The following NOS2 variants were observed in gnomAD, a reference collection of about 807,000 sequenced individuals.
NOS2 encodes nitric oxide synthase, inducible.
NOS2 carries 96 observed loss-of-function variants against 136.0 expected under a neutral mutation model. The observed-to-expected ratio is 0.71, with a 90% CI of 0.60 to 0.84. The LOEUF is 0.84. NOS2 is among the 40% of genes least tolerant of loss of function. NOS2 has a pLI of 0.00. For synonymous variants in NOS2, 539 were observed against 587.5 expected (o/e 0.92, Z 1.20); for missense variants, 1,237 against 1,496.9 (o/e 0.83, Z 2.87).
chr17:27,794,714 G>GCACACACACA (rs56767383), intron 2 of NOS2, among the ~76,000 whole-genome samples: 1,666 of 145,586 alleles, frequency 0.011, 30 homozygotes, highest in African/African-American at 0.039. Flanking sequence ...ACACACACGC[G>GCACACACACA]CACACACACA....
At chr17:27,787,305 A>T (rs1202925306) in intron 5 of NOS2, among the ~76,000 whole-genome samples, 2 of 152,228 alleles carry the variant, frequency 1.3e-5, no homozygotes, top group Admixed American at 1.3e-4. Flanking sequence ...TTCTGAACTT[A>T]CTGAATCCTC....
At position 27,791,918 on chromosome 17, in the gene NOS2, C is replaced by A. The variant is rs369633730; in HGVS notation, c.111-2230G>T. On this transcript the variant is annotated intron_variant, in intron 2 of 26. Transcript: ENST00000313735. ...TATGGGGGATGGGGTCCCCAGGGGA[C>A]AACTGCCCCTCTTGCTCTTTTGCCA... Among the ~76,000 whole-genome samples the A allele has an allele frequency of 9.7e-4, 147 of 152,250 alleles. 1 individual carries two copies. The highest frequency in any genetic ancestry group is 3.4e-3 in the African/African-American group (141 of 41,530).
chr17:27,798,128 G>A (rs978969347), intron 2 of NOS2, among the ~76,000 whole-genome samples: 2 of 152,002 alleles, frequency 1.3e-5, no homozygotes, highest in Non-Finnish European at 1.5e-5. Context: ...TTCATCCTCA[G>A]CACACTATGG....
rs1907945340 is a variant in NOS2 at position 27,756,986 on chromosome 17, G to A, written c.*260C>T. ...AGCAAGTTCCATCTTTCACCCACTTGCCAGGCCTGGCATTTAAGATTTTGT... is the reference window on the plus strand; with the variant it reads ...AGCAAGTTCCATCTTTCACCCACTTACCAGGCCTGGCATTTAAGATTTTGT... On this transcript the variant is annotated 3_prime_UTR_variant, in exon 27 of 27. Transcript: ENST00000313735. 4.8e-6 allele frequency: 2 copies of A among 420,472 alleles called. No homozygotes were observed. Among genetic ancestry groups the A allele is most frequent in the South Asian group, 1.1e-4 (2 of 17,430 alleles). 26.0% of individuals were successfully genotyped at this position (420,472 alleles called of 1,614,324 possible). A position where few individuals can be genotyped will look rare whatever the true frequency, so the allele number is the denominator to read the frequency against.
intron 2 of NOS2, chr17:27,793,746 C>G (rs1054361218): frequency 7.7e-6 from 3 of 389,512 alleles, no homozygotes; most frequent in Non-Finnish European, 1.4e-5. Flanking sequence ...TCCCAGCGCC[C>G]GCGCTTTATC....
chr17:27,757,116 G>T lies in NOS2; in HGVS notation c.*130C>A. 1 of 674,594 alleles carries T rather than the reference G, an allele frequency of 1.5e-6. No homozygotes were observed. The highest frequency in any genetic ancestry group is 2.4e-6 in the Non-Finnish European group (1 of 408,670). The allele number at this position is 674,594 out of a possible 1,614,324, so 41.8% of individuals were successfully genotyped here. On this transcript the variant is annotated 3_prime_UTR_variant, in exon 27 of 27. Transcript: ENST00000313735. ...AAAGGGCTTGATGGGGAGCAACGTT[G>T]AGGAAATAAGACTTGAGGCTGGGGG...
intron 16 of NOS2, 43 bp downstream of exon 16, chr17:27,769,492 C>A: frequency 6.4e-7 from 1 of 1,570,352 alleles, no homozygotes; most frequent in South Asian, 1.1e-5. Context: ...GACTTTGGGT[C>A]CACAGGGCAG....
rs182979119 is a variant in NOS2 at position 27,765,497 on chromosome 17, G to A, written c.2428+38C>T. The A allele has an allele frequency of 1.2e-3, 1,890 of 1,529,466 alleles. 7 individuals are homozygous for A. The highest frequency in any genetic ancestry group is 3.6e-3 in the South Asian group (278 of 77,812). The allele number at this position is 1,529,466 out of a possible 1,614,324, so 94.7% of individuals were successfully genotyped here. A position where few individuals can be genotyped will look rare whatever the true frequency, so the allele number is the denominator to read the frequency against. ...CCTCAGCCAGGTGGGGCGGCCAGAG[G>A]GTGCCAGGCAGCACTGGCTTTCTAG... is the stretch of plus-strand genomic sequence containing the variant. On this transcript the variant is annotated intron_variant, in intron 20 of 26. Coordinates refer to ENST00000313735, the MANE Select transcript of NOS2 (RefSeq NM_000625.4).
At chr17:27,798,672 G>T in intron 2 of NOS2, 28 bp downstream of exon 2, 1 of 1,423,070 alleles carries the variant, frequency 7.0e-7, no homozygotes, top group Non-Finnish European at 9.9e-7. Flanking sequence ...AAGGAGACAA[G>T]CAGGAGGTTC....
chr17:27,800,201 T>A (rs1909486665), intron 1 of NOS2, 138 bp downstream of exon 1: 1 of 152,220 alleles, frequency 6.6e-6, no homozygotes, highest in South Asian at 2.1e-4. Flanking sequence ...AAACCTCATG[T>A]CGGCATTTTT....
At chr17:27,765,270 G>A (rs1456402621) in intron 20 of NOS2, among the ~76,000 whole-genome samples, 1 of 152,226 alleles carries the variant, frequency 6.6e-6, no homozygotes, top group African/African-American at 2.4e-5. Flanking sequence ...TTACAGGCGT[G>A]AGCCACCACA....
At chr17:27,770,512 A>T (rs1254025983) in intron 15 of NOS2, among the ~76,000 whole-genome samples, 2 of 152,178 alleles carry the variant, frequency 1.3e-5, no homozygotes, top group Non-Finnish European at 2.9e-5. Flanking sequence ...AAATAAACAA[A>T]CAAACACCAA....
chr17:27,798,527 T>G (rs1909427097), intron 2 of NOS2, among the ~76,000 whole-genome samples, 173 bp downstream of exon 2: 1 of 152,116 alleles, frequency 6.6e-6, no homozygotes, highest in African/African-American at 2.4e-5. Context: ...CACAGCGAGG[T>G]GCCCAATAAT....
At chr17:27,763,512 TGAC>T (rs1228039160) in intron 21 of NOS2, among the ~76,000 whole-genome samples, 1 of 152,228 alleles carries the variant, frequency 6.6e-6, no homozygotes, top group Non-Finnish European at 1.5e-5. Flanking sequence ...ATGATAATAA[TGAC>T]AACCAGTGCC....
At chr17:27,791,143 G>A (rs189964529) in intron 2 of NOS2, among the ~76,000 whole-genome samples, 87 of 152,268 alleles carry the variant, frequency 5.7e-4, no homozygotes, top group Middle Eastern at 3.4e-3. Flanking sequence ...ACTATAAAGA[G>A]ATACTGTCTT....
intron 1 of NOS2, 112 bp from the exon 2 acceptor site, chr17:27,798,994 T>C (rs568585957): frequency 1.7e-6 from 1 of 594,636 alleles, no homozygotes; most frequent in East Asian, 2.8e-5. Flanking sequence ...ATGAGCCCCT[T>C]CATCAATGCT....
At chr17:27,781,536 C>G (rs1056011074) in intron 7 of NOS2, among the ~76,000 whole-genome samples, 12 of 152,174 alleles carry the variant, frequency 7.9e-5, no homozygotes, top group Admixed American at 2.6e-4. Context: ...CCTACCCCCC[C>G]ATACCCCATC....
chr17:27,759,153 G>T, intron 25 of NOS2, 78 bp from the exon 26 acceptor site: 1 of 1,022,762 alleles, frequency 9.8e-7, no homozygotes, highest in East Asian at 2.9e-5. Flanking sequence ...TGGCCTCAAG[G>T]AGGCGGGGAG....
intron 15 of NOS2, 129 bp from the exon 16 acceptor site, chr17:27,769,713 A>AT (rs1235751273): frequency 1.3e-6 from 1 of 773,786 alleles, no homozygotes. Flanking sequence ...GTTGGTTTAC[A>AT]TATGGGGCTA....
Sources: allele counts gnomAD v4.1 joint callset (sites outside exome capture counted in the v4.1 genomes callset), GRCh38; gene constraint gnomAD v4.1.1; transcripts MANE v1.5; gene names NCBI Gene and HGNC (gene_info 2026-07-23, HGNC 2026-07-21).